Variants in SLC27A1 observed in about 807,000 individuals in gnomAD.
SLC27A1 encodes long-chain fatty acid transport protein 1.
In SLC27A1, 61 loss-of-function variants were observed where a neutral mutation model predicts 62.2. The observed-to-expected ratio is 0.98, with a 90% CI of 0.80 to 1.21. The LOEUF (loss-of-function observed/expected upper bound fraction) is 1.21. SLC27A1 is among the 50% of genes most tolerant of loss of function. The pLI, the probability that SLC27A1 is intolerant of heterozygous loss-of-function variation, is 0.00. For missense variants in SLC27A1, 903 were observed against 932.1 expected, an observed-to-expected ratio of 0.97 and a Z score of 0.41; for synonymous variants, 435 against 408.6, an observed-to-expected ratio of 1.06 and a Z score of -0.78.
rs750823587 is a variant in SLC27A1, at chr19:17,470,608, C to T, written c.68C>T (p.Pro23Leu). Residue 23 changes from proline (P) to leucine (L), a missense_variant, in exon 1 of 12, where the codon CCG becomes CTG. By Grantham distance (98) the Pro-to-Leu change is moderately conservative. Coordinates refer to ENST00000252595, the MANE Select transcript of SLC27A1 (RefSeq NM_198580.3). Reference sequence around the variant, plus strand: ...GCGCTGTTGTGGCTGCTGGGGCTGCCGTGGACCTGGAGCGCGGCAGCGGCG... The same window carrying T: ...GCGCTGTTGTGGCTGCTGGGGCTGCTGTGGACCTGGAGCGCGGCAGCGGCG... ...SLALLWLLGL[P>L]WTWSAAAALG... The T allele has an allele frequency of 3.2e-6, 5 of 1,569,422 alleles. No individual in the cohort carries two copies. The highest frequency in any genetic ancestry group is 2.3e-5 in the East Asian group (1 of 42,904).
At position 17,489,105 on chromosome 19, in the gene SLC27A1, G is replaced by A. The variant is rs769530085; in HGVS notation, c.984G>A (p.Lys328=). 1 of 1,614,092 alleles carries A rather than the reference G, an allele frequency of 6.2e-7. No homozygotes were observed. The highest frequency in any genetic ancestry group is 2.2e-5 in the East Asian group (1 of 44,876). Residue 328 remains lysine, a synonymous_variant, in exon 6 of 12, where the codon AAG becomes AAA. Transcript: ENST00000252595. The part of the protein sequence containing the change: ...SASRFWDDCI[K]YNCTVVQYIG... Reference sequence around the variant, plus strand: ...GCCGCTTCTGGGACGACTGCATCAAGTACAACTGCACGGTCAGGCCCTGCC... The same window carrying A: ...GCCGCTTCTGGGACGACTGCATCAAATACAACTGCACGGTCAGGCCCTGCC...
intron 7 of SLC27A1, chr19:17,497,929 C>T (rs62126803): frequency 5.2e-6 from 1 of 191,510 alleles, no homozygotes; most frequent in African/African-American, 2.4e-5. Flanking sequence ...CCTGCCTCAG[C>T]CTCCCAAGTA....
chr19:17,481,138 T>A (rs2075173900), intron 1 of SLC27A1, among the ~76,000 whole-genome samples: 1 of 151,918 alleles, frequency 6.6e-6, no homozygotes, highest in Admixed American at 6.6e-5. Context: ...TTGGCCAGGC[T>A]GGTCTCGAAC....
At chr19:17,472,192 A>G (rs2075082834) in intron 1 of SLC27A1, among the ~76,000 whole-genome samples, 4 of 152,128 alleles carry the variant, frequency 2.6e-5, no homozygotes, top group African/African-American at 9.7e-5. Flanking sequence ...CAGGAGATCA[A>G]AACCATCCTG....
In SLC27A1 at chr19:17,489,634, C is replaced by T. The variant is rs2075275817; in HGVS notation, c.996+517C>T. Reference sequence around the variant, plus strand: ...CCCTGTGGGTCTTCCCTGCTGCTGACTGTAGGGAATTGAGACCCTGGGATG... The same window carrying T: ...CCCTGTGGGTCTTCCCTGCTGCTGATTGTAGGGAATTGAGACCCTGGGATG... On this transcript the variant is annotated intron_variant, in intron 6 of 11. Coordinates refer to ENST00000252595, the MANE Select transcript of SLC27A1 (RefSeq NM_198580.3). Among the ~76,000 whole-genome samples, 4 of 152,294 alleles carry T rather than the reference C, an allele frequency of 2.6e-5. No homozygotes were observed. In the South Asian group the frequency reaches 8.3e-4, roughly 32 times the overall value.
intron 1 of SLC27A1, among the ~76,000 whole-genome samples, chr19:17,472,421 A>G (rs1490966507): frequency 2.0e-5 from 3 of 151,610 alleles, no homozygotes; most frequent in East Asian, 1.9e-4. Context: ...ATAGAATTAG[A>G]ATTGAGGCCA....
At chr19:17,477,314 T>C (rs934974380) in intron 1 of SLC27A1, among the ~76,000 whole-genome samples, 3 of 137,768 alleles carry the variant, frequency 2.2e-5, no homozygotes, top group Non-Finnish European at 3.1e-5. Context: ...TGGTGTGATC[T>C]CAGCTCACTG....
Position 17,488,952 on chromosome 19 carries a change from G to T in SLC27A1, c.886+13G>T. The T allele has an allele frequency of 1.2e-6, 2 of 1,614,130 alleles. No homozygotes were observed. Among genetic ancestry groups the T allele is most frequent in the African/African-American group, 2.7e-5 (2 of 75,056 alleles). Reference sequence around the variant, plus strand: ...TACCACTCGGCAGGTACTACGGCCTGGGTAGGGAATGGTGGGTGGGGGCGG... The same window carrying T: ...TACCACTCGGCAGGTACTACGGCCTTGGTAGGGAATGGTGGGTGGGGGCGG... On this transcript the variant is annotated intron_variant, in intron 5 of 11. Transcript: ENST00000252595.
chr19:17,501,392 C>G lies in SLC27A1; in HGVS notation c.1756C>G (p.Arg586Gly), dbSNP rs766035538. The G allele has an allele frequency of 6.2e-7, 1 of 1,613,642 alleles. No homozygotes were observed. Among genetic ancestry groups the G allele is most frequent in the South Asian group, 1.1e-5 (1 of 91,076 alleles). ...LAPYARPIFL[R>G]LLPQVDTTGT... ...ACCCTATGCCCGGCCCATCTTCCTG[C>G]GCCTCCTGCCCCAGGTGGACACCAC... is the stretch of plus-strand genomic sequence containing the variant. Residue 586 changes from arginine (R) to glycine (G), a missense_variant, in exon 11 of 12, where the codon CGC (arginine) becomes GGC (glycine). Coordinates refer to ENST00000252595, the MANE Select transcript of SLC27A1 (RefSeq NM_198580.3).
Position 17,487,481 on chromosome 19 carries a change from C to G in SLC27A1, c.746C>G (p.Thr249Arg). The part of the protein sequence containing the change: ...GMDDRLFYIY[T>R]SGTTGLPKAA... The stretch of plus-strand genomic sequence containing the variant: ...GCAGATCGTCTTTTCTACATCTACA[C>G]GTCGGGGACCACCGGGCTGCCCAAG... Residue 249 changes from threonine (T) to arginine (R), a missense_variant, in exon 4 of 12, where the codon ACG (threonine) becomes AGG (arginine). Transcript: ENST00000252595. The G allele has an allele frequency of 6.2e-7, 1 of 1,604,002 alleles. No homozygotes were observed. The highest frequency in any genetic ancestry group is 8.5e-7 in the Non-Finnish European group (1 of 1,176,200).
At chr19:17,474,361 G>A (rs963189539) in intron 1 of SLC27A1, among the ~76,000 whole-genome samples, 11 of 152,268 alleles carry the variant, frequency 7.2e-5, no homozygotes, top group South Asian at 2.1e-4. Context: ...CAGGATTGGC[G>A]CACAGCGGTA....
At chr19:17,485,561 G>A (rs2075221563) in intron 1 of SLC27A1, among the ~76,000 whole-genome samples, 1 of 151,796 alleles carries the variant, frequency 6.6e-6, no homozygotes, top group Non-Finnish European at 1.5e-5. Flanking sequence ...TGGGCATGGT[G>A]GCTCACACCT....
At chr19:17,501,784 T>TA (rs2075416691) in intron 11 of SLC27A1, among the ~76,000 whole-genome samples, 2 of 97,458 alleles carry the variant, frequency 2.1e-5, no homozygotes, top group Admixed American at 2.6e-4. Context: ...GCCTGGGCGA[T>TA]AGAGTGATAC....
chr19:17,473,608 T>C (rs1290808747), intron 1 of SLC27A1, among the ~76,000 whole-genome samples: 1 of 152,166 alleles, frequency 6.6e-6, no homozygotes, highest in African/African-American at 2.4e-5. Flanking sequence ...ACACCTGTAA[T>C]CCCAGCACTT....
intron 1 of SLC27A1, among the ~76,000 whole-genome samples, chr19:17,485,913 C>T (rs2075224873): frequency 6.6e-6 from 1 of 152,214 alleles, no homozygotes; most frequent in Non-Finnish European, 1.5e-5. Context: ...AGGAACCCGG[C>T]TCCTTTCACT....
At chr19:17,503,724 G>C (rs1388420930) in intron 11 of SLC27A1, 1 of 151,996 alleles carries the variant, frequency 6.6e-6, no homozygotes, top group Non-Finnish European at 1.5e-5. Context: ...TTGAGGTCAG[G>C]AGTTCGAGAC....
intron 6 of SLC27A1, among the ~76,000 whole-genome samples, chr19:17,490,745 T>A (rs1383376604): frequency 1.3e-5 from 2 of 152,104 alleles, no homozygotes; most frequent in Admixed American, 6.6e-5. Flanking sequence ...GTGAAAAATT[T>A]GGCCAGGCAC....
intron 6 of SLC27A1, chr19:17,495,795 A>C (rs965796829): frequency 7.9e-5 from 12 of 152,312 alleles, no homozygotes; most frequent in Non-Finnish European, 1.5e-4. Context: ...CAGTGCCTTC[A>C]TCTCCAAGCT....
At position 17,504,540 on chromosome 19, in the gene SLC27A1, G is replaced by C; in HGVS notation, c.1869G>C (p.Leu623=). The change falls in exon 12 of 12, where the codon CTG becomes CTC. Residue 623 remains leucine, a synonymous_variant. Coordinates refer to ENST00000252595, the MANE Select transcript of SLC27A1 (RefSeq NM_198580.3). Reference sequence around the variant, plus strand: ...CAGACCGGCTCTTCTTCCTGGACCTGAAGCAGGGCCACTACCTGCCCTTAA... The same window carrying C: ...CAGACCGGCTCTTCTTCCTGGACCTCAAGCAGGGCCACTACCTGCCCTTAA... The part of the protein sequence containing the change: ...QTSDRLFFLD[L]KQGHYLPLNE... 6.2e-7 allele frequency: 1 copy of C among 1,614,220 alleles called. No individual in the cohort carries two copies. Among genetic ancestry groups the C allele is most frequent in the Non-Finnish European group, 8.5e-7 (1 of 1,180,048 alleles).
Sources: gnomAD v4.1 joint callset for allele counts (sites outside exome capture counted in the v4.1 genomes callset) on GRCh38, gnomAD v4.1.1 for gene constraint, MANE v1.5 for transcripts, NCBI Gene and HGNC (gene_info 2026-07-23, HGNC 2026-07-21) for gene names.